Variants in THEMIS observed in about 807,000 individuals in gnomAD.
The protein encoded by THEMIS is thymocyte selection associated, also known as protein THEMIS.
THEMIS carries 37 observed loss-of-function variants against 52.6 expected under a neutral mutation model. The observed-to-expected ratio is 0.70, with a 90% CI of 0.54 to 0.93. The LOEUF (loss-of-function observed/expected upper bound fraction) is 0.93. Among genes scored for constraint, THEMIS ranks in the 40% least tolerant of loss-of-function variants. The probability of loss-of-function intolerance (pLI) is 0.00; values close to 1 mark genes in which losing one functional copy is unlikely to be tolerated. For synonymous variants in THEMIS, 292 were observed against 272.7 expected (o/e 1.07, Z -0.70); for missense variants, 808 against 763.1 (o/e 1.06, Z -0.69).
At chr6:127,888,644 C>CA (rs933752513) in intron 1 of THEMIS, among the ~76,000 whole-genome samples, 24 of 149,894 alleles carry the variant, frequency 1.6e-4, no homozygotes, top group South Asian at 8.4e-4. Context: ...TTTTCTAAAG[C>CA]AAAAAAAAAT....
chr6:127,804,870 C>T (rs1305620792), intron 4 of THEMIS, among the ~76,000 whole-genome samples: 1 of 151,986 alleles, frequency 6.6e-6, no homozygotes, highest in Non-Finnish European at 1.5e-5. Context: ...TTATTAAGGA[C>T]AAATGGTATG....
chr6:127,759,731 T>C (rs1775951535), intron 4 of THEMIS, among the ~76,000 whole-genome samples: 1 of 151,950 alleles, frequency 6.6e-6, no homozygotes, highest in Non-Finnish European at 1.5e-5. Flanking sequence ...ATTTAAAAGG[T>C]TTTTCGTATG....
At chr6:127,743,961 A>G (rs541215564) in intron 4 of THEMIS, among the ~76,000 whole-genome samples, 2 of 152,246 alleles carry the variant, frequency 1.3e-5, no homozygotes, top group African/African-American at 2.4e-5. Context: ...AGTAGATAGT[A>G]AAGACAAAAA....
chr6:127,752,493 AG>A (rs1033807683), intron 4 of THEMIS, among the ~76,000 whole-genome samples: 1 of 151,574 alleles, frequency 6.6e-6, no homozygotes, highest in African/African-American at 2.4e-5. Flanking sequence ...AAAATACAAA[AG>A]ATCACAATGG....
intron 1 of THEMIS, among the ~76,000 whole-genome samples, chr6:127,858,958 G>A (rs1167563372): frequency 1.3e-5 from 2 of 151,960 alleles, no homozygotes; most frequent in African/African-American, 2.4e-5. Context: ...CAATAAAAAC[G>A]ACACATTAAT....
chr6:127,866,735 T>A (rs1303900301), intron 1 of THEMIS, among the ~76,000 whole-genome samples: 1 of 151,886 alleles, frequency 6.6e-6, no homozygotes, highest in Non-Finnish European at 1.5e-5. Context: ...TATTATCCAT[T>A]TCAGAGCACA....
chr6:127,739,936 G>C (rs916483126), intron 4 of THEMIS, among the ~76,000 whole-genome samples: 5 of 152,178 alleles, frequency 3.3e-5, no homozygotes, highest in African/African-American at 1.2e-4. Context: ...GGCGTGCACT[G>C]TTGAAGAGCA....
At chr6:127,904,642 A>C (rs1372763518), upstream of THEMIS, among the ~76,000 whole-genome samples, 1 of 152,084 alleles carries the variant, frequency 6.6e-6, no homozygotes, top group African/African-American at 2.4e-5. Context: ...GGAATGCCAG[A>C]AGACAGGACA....
intron 1 of THEMIS, among the ~76,000 whole-genome samples, chr6:127,862,354 T>C (rs1165582959): frequency 6.6e-6 from 1 of 151,406 alleles, no homozygotes; most frequent in Non-Finnish European, 1.5e-5. Flanking sequence ...TAATTGACCA[T>C]GGATGCTTTG....
At chr6:127,802,565 T>G (rs1476600206) in intron 4 of THEMIS, among the ~76,000 whole-genome samples, 1 of 152,200 alleles carries the variant, frequency 6.6e-6, no homozygotes, top group Non-Finnish European at 1.5e-5. Context: ...GTGAATTTGA[T>G]AGGAAGCCTA....
intron 2 of THEMIS, among the ~76,000 whole-genome samples, chr6:127,836,839 G>A (rs1440172017): frequency 6.6e-6 from 1 of 151,980 alleles, no homozygotes; most frequent in Non-Finnish European, 1.5e-5. Flanking sequence ...GGCCCCTGAC[G>A]GTCCTCTCTG....
intron 4 of THEMIS, among the ~76,000 whole-genome samples, chr6:127,799,079 C>A (rs1343328659): frequency 6.6e-6 from 1 of 151,474 alleles, no homozygotes; most frequent in Non-Finnish European, 1.5e-5. Context: ...TTTAATATAG[C>A]CAAATACTAA....
chr6:127,746,212 C>A (rs997633738), intron 4 of THEMIS, among the ~76,000 whole-genome samples: 1 of 151,718 alleles, frequency 6.6e-6, no homozygotes, highest in African/African-American at 2.4e-5. Flanking sequence ...TGAAGATATT[C>A]AATTTCTGTT....
chr6:127,901,233 C>G (rs763623695), upstream of THEMIS, among the ~76,000 whole-genome samples: 1 of 152,054 alleles, frequency 6.6e-6, no homozygotes, highest in South Asian at 2.1e-4. Flanking sequence ...AAAAATGAGA[C>G]GTGCTAAGTA....
intron 2 of THEMIS, among the ~76,000 whole-genome samples, chr6:127,839,846 A>G (rs1778988966): frequency 6.6e-6 from 1 of 152,078 alleles, no homozygotes. Flanking sequence ...ACTACAGGGC[A>G]TCGTTGACAG....
At chr6:127,865,511 A>G (rs761284930) in intron 1 of THEMIS, among the ~76,000 whole-genome samples, 13 of 152,144 alleles carry the variant, frequency 8.5e-5, no homozygotes, top group Non-Finnish European at 1.6e-4. Flanking sequence ...AGATTACTAC[A>G]TATCCTCTCA....
At chr6:127,713,374 G>C (rs1774047835) in intron 5 of THEMIS, among the ~76,000 whole-genome samples, 1 of 151,836 alleles carries the variant, frequency 6.6e-6, no homozygotes, top group Non-Finnish European at 1.5e-5. Context: ...CACATAATCT[G>C]TCAAGCACAA....
chr6:127,819,880 T>C lies in THEMIS; in HGVS notation c.710-5949A>G, dbSNP rs908268970. ...TGCTGGAGAATAAATGAAGGCAGAA[T>C]AAAACGTTTTATTTTTCGTATTCTT... On this transcript the variant is annotated intron_variant, in intron 3 of 5. Coordinates refer to ENST00000368248, the MANE Select transcript of THEMIS (RefSeq NM_001010923.3). Among the ~76,000 whole-genome samples, 3 of 152,154 alleles carry C rather than the reference T, an allele frequency of 2.0e-5. No homozygotes were observed. The East Asian group carries it at 5.8e-4, about 29-fold the overall frequency.
chr6:127,899,772 TA>T (rs1781079833), intron 1 of THEMIS, among the ~76,000 whole-genome samples: 1 of 151,516 alleles, frequency 6.6e-6, no homozygotes, highest in African/African-American at 2.4e-5. Flanking sequence ...GAGACATTGA[TA>T]ATATGATTAT....
Sources: allele counts gnomAD v4.1 joint callset (sites outside exome capture counted in the v4.1 genomes callset), GRCh38; gene constraint gnomAD v4.1.1; transcripts MANE v1.5; gene names NCBI Gene and HGNC (gene_info 2026-07-23, HGNC 2026-07-21).